Variants in SHROOM4 observed in about 807,000 individuals in gnomAD.
The protein encoded by SHROOM4 is shroom family member 4, also known as protein Shroom4.
A neutral mutation model predicts 80.3 loss-of-function variants in SHROOM4; 17 were observed. The ratio of observed to expected loss-of-function variants is 0.21; its 90% CI spans 0.14 to 0.32. The LOEUF (loss-of-function observed/expected upper bound fraction) is 0.32, where lower values mean the gene tolerates loss of function less well. Among genes scored for constraint, SHROOM4 ranks in the 10% least tolerant of loss-of-function variants. The pLI, the probability that SHROOM4 is intolerant of heterozygous loss-of-function variation, is 1.00. For missense variants in SHROOM4, 993 were observed against 1,140.3 expected, an observed-to-expected ratio of 0.87 and a Z score of 1.86; for synonymous variants, 400 against 437.5, an observed-to-expected ratio of 0.91 and a Z score of 1.07.
At chrX:50,791,992 T>C (rs192594369) in intron 1 of SHROOM4, among the ~76,000 whole-genome samples, 8 of 111,433 alleles carry the variant, frequency 7.2e-5, no homozygotes, top group African/African-American at 2.6e-4. Context: ...GAAAACTGGA[T>C]ATCAAACCAC....
intron 1 of SHROOM4, among the ~76,000 whole-genome samples, chrX:50,704,326 G>C (rs1933600234): frequency 8.9e-6 from 1 of 112,181 alleles, no homozygotes; most frequent in Admixed American, 9.4e-5. Flanking sequence ...AGAGAGTGAT[G>C]GGAATAATTC....
At chrX:50,729,228 T>C (rs1557266109) in intron 1 of SHROOM4, among the ~76,000 whole-genome samples, 1 of 111,732 alleles carries the variant, frequency 8.9e-6, no homozygotes, top group Non-Finnish European at 1.9e-5. Context: ...ATAAAGCAGC[T>C]ATTATAAATA....
At chrX:50,655,986 T>C (rs940475632) in intron 2 of SHROOM4, among the ~76,000 whole-genome samples, 4 of 111,828 alleles carry the variant, frequency 3.6e-5, no homozygotes. Flanking sequence ...GTGGTTTTGA[T>C]TTGCATTTCA....
the SHROOM4 span, among the ~76,000 whole-genome samples, chrX:50,577,579 T>C: frequency 8.9e-6 from 1 of 112,297 alleles, no homozygotes; most frequent in Admixed American, 9.4e-5. Context: ...GGTTTTCTTT[T>C]GCAGCCTGAA....
At chrX:50,666,657 A>G (rs1405447101) in intron 2 of SHROOM4, among the ~76,000 whole-genome samples, 2 of 112,260 alleles carry the variant, frequency 1.8e-5, no homozygotes, top group East Asian at 5.6e-4. Flanking sequence ...TACAAAATGC[A>G]TACACCAAAA....
At chrX:50,759,960 C>T (rs1297856238) in intron 1 of SHROOM4, among the ~76,000 whole-genome samples, 1 of 111,449 alleles carries the variant, frequency 9.0e-6, no homozygotes, top group Non-Finnish European at 1.9e-5. Flanking sequence ...TTTGTTGAGA[C>T]TTGTTTTATG....
chrX:50,789,630 A>C (rs188258506), intron 1 of SHROOM4, among the ~76,000 whole-genome samples: 48 of 112,180 alleles, frequency 4.3e-4, no homozygotes, highest in African/African-American at 1.5e-3. Context: ...ACTTGAAGGA[A>C]AGAAATAATA....
At chrX:50,724,111 C>A (rs1442627173) in intron 1 of SHROOM4, among the ~76,000 whole-genome samples, 2 of 110,853 alleles carry the variant, frequency 1.8e-5, no homozygotes, top group Admixed American at 9.7e-5. Flanking sequence ...ATCACCCTTA[C>A]CCCGCTCAAC....
chrX:50,677,308 A>G (rs1557261396), intron 2 of SHROOM4, among the ~76,000 whole-genome samples: 1 of 111,662 alleles, frequency 9.0e-6, no homozygotes, highest in Non-Finnish European at 1.9e-5. Flanking sequence ...GTGAAGGAGT[A>G]TCATACCTGG....
At chrX:50,671,384 T>C (rs1336195122) in intron 2 of SHROOM4, among the ~76,000 whole-genome samples, 1 of 112,273 alleles carries the variant, frequency 8.9e-6, no homozygotes, top group Non-Finnish European at 1.9e-5. Context: ...ATGAAAGTCC[T>C]AGATGGCATC....
intron 1 of SHROOM4, among the ~76,000 whole-genome samples, chrX:50,723,850 T>G (rs1219710126): frequency 9.0e-6 from 1 of 111,446 alleles, no homozygotes; most frequent in Non-Finnish European, 1.9e-5. Flanking sequence ...TGGTGCCAAA[T>G]TGGACAACAT....
chrX:50,630,703 T>A (rs1015245364), intron 4 of SHROOM4, among the ~76,000 whole-genome samples: 11 of 111,885 alleles, frequency 9.8e-5, no homozygotes, highest in African/African-American at 3.6e-4. Flanking sequence ...ATCCATTTAC[T>A]CCTCTATCCA....
intron 4 of SHROOM4, among the ~76,000 whole-genome samples, chrX:50,628,625 G>C (rs1420366169): frequency 8.9e-6 from 1 of 111,753 alleles, no homozygotes; most frequent in Non-Finnish European, 1.9e-5. Flanking sequence ...TCTCCCTACT[G>C]GAAGTAAGAC....
chrX:50,618,184 A>T (rs1930331119), intron 5 of SHROOM4, among the ~76,000 whole-genome samples: 1 of 110,891 alleles, frequency 9.0e-6, no homozygotes, highest in African/African-American at 3.3e-5. Flanking sequence ...CTGCTTTGAG[A>T]CCAAGTAAGG....
intron 1 of SHROOM4, among the ~76,000 whole-genome samples, chrX:50,740,214 G>A (rs1409116030): frequency 1.0e-5 from 1 of 98,584 alleles, no homozygotes; most frequent in African/African-American, 3.7e-5. Context: ...GATAGCATTA[G>A]GAGATATACC....
chrX:50,707,709 GT>G lies in SHROOM4; in HGVS notation c.118-11773del, dbSNP rs200612381. On this transcript the variant is annotated intron_variant, in intron 1 of 8. Coordinates refer to ENST00000376020, the MANE Select transcript of SHROOM4 (RefSeq NM_020717.5). Reference sequence around the variant, plus strand: ...TGACACTCTCATACAAATGCCAAAGGTTTTTTTTTTCTCCGTCTCTTTTTCT... The same window carrying G: ...TGACACTCTCATACAAATGCCAAAGGTTTTTTTTTCTCCGTCTCTTTTTCT... Among the ~76,000 whole-genome samples, 27 of 103,829 alleles carry G rather than the reference GT, an allele frequency of 2.6e-4. No individual in the cohort carries two copies. In the East Asian group the frequency reaches 5.0e-3, roughly 19 times the overall value. The allele number at this position is 103,829 out of a possible 115,157, so 90.2% of individuals were successfully genotyped here. A position where few individuals can be genotyped will look rare whatever the true frequency, so the allele number is the denominator to read the frequency against.
chrX:50,780,418 G>T (rs1935599603), intron 1 of SHROOM4, among the ~76,000 whole-genome samples: 1 of 111,770 alleles, frequency 8.9e-6, no homozygotes, highest in East Asian at 2.8e-4. Flanking sequence ...CATGAAAAGT[G>T]CTATTAATGA....
At chrX:50,625,547 T>C (rs1360846841) in intron 5 of SHROOM4, among the ~76,000 whole-genome samples, 1 of 111,556 alleles carries the variant, frequency 9.0e-6, no homozygotes, top group Non-Finnish European at 1.9e-5. Flanking sequence ...GGTTTTTTTT[T>C]CTTCTATTTT....
At chrX:50,598,967 A>C (rs1384542043) in intron 7 of SHROOM4, among the ~76,000 whole-genome samples, 3 of 109,331 alleles carry the variant, frequency 2.7e-5, no homozygotes, top group African/African-American at 1.0e-4. Flanking sequence ...CTGAGGTTAC[A>C]GGTGCATGTC....
Sources: gnomAD v4.1 joint callset for allele counts (sites outside exome capture counted in the v4.1 genomes callset) on GRCh38, gnomAD v4.1.1 for gene constraint, MANE v1.5 for transcripts, NCBI Gene and HGNC (gene_info 2026-07-23, HGNC 2026-07-21) for gene names.